The following LUZP2 variants were observed in gnomAD, a reference collection of about 807,000 sequenced individuals.
LUZP2 encodes the protein leucine zipper protein 2.
In LUZP2, 52 loss-of-function variants were observed where a neutral mutation model predicts 51.6. That is an observed-to-expected ratio of 1.01 (90% CI 0.81 to 1.27). The LOEUF (loss-of-function observed/expected upper bound fraction) is 1.27, where lower values mean the gene tolerates loss of function less well. Among genes scored for constraint, LUZP2 ranks in the 50% most tolerant of loss-of-function variants. The pLI is 0.00. For synonymous variants in LUZP2, 154 were observed against 137.3 expected, an observed-to-expected ratio of 1.12 and a Z score of -0.85; for missense variants, 436 against 395.4, an observed-to-expected ratio of 1.10 and a Z score of -0.87.
intron 7 of LUZP2, among the ~76,000 whole-genome samples, chr11:24,944,370 A>G (rs1565141870): frequency 6.6e-6 from 1 of 152,324 alleles, no homozygotes; most frequent in South Asian, 2.1e-4. Flanking sequence ...GCTCCCAAAC[A>G]ATACATTATA....
At chr11:25,043,158 T>C (rs1180050059) in intron 9 of LUZP2, among the ~76,000 whole-genome samples, 1 of 152,128 alleles carries the variant, frequency 6.6e-6, no homozygotes, top group African/African-American at 2.4e-5. Flanking sequence ...AGAAAATAGA[T>C]TTCTGTTGTT....
At chr11:25,038,319 T>G (rs369102777) in intron 9 of LUZP2, among the ~76,000 whole-genome samples, 101 of 152,296 alleles carry the variant, frequency 6.6e-4, no homozygotes, top group Middle Eastern at 3.4e-3. Flanking sequence ...TACAGTTGTA[T>G]TATGAAATTC....
intron 9 of LUZP2, among the ~76,000 whole-genome samples, chr11:25,043,678 C>A (rs907930795): frequency 6.8e-6 from 1 of 146,768 alleles, no homozygotes; most frequent in Non-Finnish European, 1.5e-5. Flanking sequence ...ATTTCATAAT[C>A]CTTGATGTAT....
At chr11:25,063,713 T>A (rs201504090) in intron 10 of LUZP2, among the ~76,000 whole-genome samples, 3 of 25,560 alleles carry the variant, frequency 1.2e-4, no homozygotes, top group Non-Finnish European at 8.7e-4. Context: ...ACATTAATCA[T>A]TAACCACCAT....
intron 5 of LUZP2, among the ~76,000 whole-genome samples, chr11:24,766,141 A>T (rs1366199512): frequency 2.0e-5 from 3 of 152,076 alleles, no homozygotes; most frequent in Non-Finnish European, 2.9e-5. Flanking sequence ...TTAACCTCTG[A>T]ATTGTACTGT....
At chr11:24,605,522 TTTTA>T (rs1410861083) in intron 1 of LUZP2, among the ~76,000 whole-genome samples, 1 of 151,752 alleles carries the variant, frequency 6.6e-6, no homozygotes, top group Admixed American at 6.6e-5. Context: ...TTTCTTATGT[TTTTA>T]TTTCTCTTAA....
intron 1 of LUZP2, among the ~76,000 whole-genome samples, chr11:24,589,488 A>G (rs1853187086): frequency 1.3e-5 from 2 of 152,204 alleles, no homozygotes; most frequent in Non-Finnish European, 2.9e-5. Context: ...ATTTAAGTGC[A>G]AATTATTTCT....
intron 5 of LUZP2, among the ~76,000 whole-genome samples, chr11:24,793,359 A>G (rs1317523140): frequency 1.3e-5 from 2 of 152,140 alleles, no homozygotes; most frequent in Non-Finnish European, 2.9e-5. Flanking sequence ...ATGGGCCTGA[A>G]TCTGCACTCT....
intron 10 of LUZP2, among the ~76,000 whole-genome samples, chr11:25,066,445 G>A (rs1351914059): frequency 6.6e-6 from 1 of 151,840 alleles, no homozygotes; most frequent in East Asian, 1.9e-4. Context: ...ACAAGCCTGA[G>A]CAAAGATTTA....
At chr11:24,662,206 C>T (rs1275041815) in intron 1 of LUZP2, among the ~76,000 whole-genome samples, 1 of 151,810 alleles carries the variant, frequency 6.6e-6, no homozygotes, top group Non-Finnish European at 1.5e-5. Flanking sequence ...AAATAAGAGA[C>T]ATTAAAACAA....
chr11:24,779,484 G>T (rs1345711623), intron 5 of LUZP2, among the ~76,000 whole-genome samples: 1 of 151,978 alleles, frequency 6.6e-6, no homozygotes, highest in Non-Finnish European at 1.5e-5. Flanking sequence ...CAGTTGGGAG[G>T]GTAAAATGAG....
At chr11:24,648,520 G>A (rs1855530949) in intron 1 of LUZP2, among the ~76,000 whole-genome samples, 1 of 151,852 alleles carries the variant, frequency 6.6e-6, no homozygotes, top group South Asian at 2.1e-4. Flanking sequence ...TGATACATGA[G>A]CTATTTAACA....
chr11:24,686,041 G>A (rs956892355), intron 1 of LUZP2, among the ~76,000 whole-genome samples: 11 of 152,140 alleles, frequency 7.2e-5, no homozygotes, highest in South Asian at 2.1e-4. Context: ...TCAAATTTAC[G>A]AAATCATTTC....
intron 5 of LUZP2, among the ~76,000 whole-genome samples, chr11:24,862,056 A>T (rs1851758834): frequency 1.3e-5 from 2 of 152,060 alleles, no homozygotes; most frequent in Admixed American, 1.3e-4. Context: ...TTTTCCCTAT[A>T]GTTTATCCCA....
intron 4 of LUZP2, among the ~76,000 whole-genome samples, chr11:24,738,609 C>T (rs1020336819): frequency 1.3e-5 from 2 of 152,052 alleles, no homozygotes; most frequent in African/African-American, 2.4e-5. Context: ...CATTGTGGGA[C>T]GTCACTGACT....
At chr11:24,963,175 G>T in intron 7 of LUZP2, among the ~76,000 whole-genome samples, 1 of 152,172 alleles carries the variant, frequency 6.6e-6, no homozygotes, top group Non-Finnish European at 1.5e-5. Flanking sequence ...TGCCCCTACT[G>T]GGGGGTACCT....
intron 3 of LUZP2, among the ~76,000 whole-genome samples, chr11:24,734,490 T>A (rs1858852414): frequency 6.6e-6 from 1 of 151,836 alleles, no homozygotes; most frequent in Admixed American, 6.6e-5. Flanking sequence ...TGGAGAATAT[T>A]TTGGTCTTAC....
At chr11:24,916,139 G>C (rs1244927018) in intron 7 of LUZP2, among the ~76,000 whole-genome samples, 1 of 151,812 alleles carries the variant, frequency 6.6e-6, no homozygotes, top group Non-Finnish European at 1.5e-5. Flanking sequence ...ATTAATGCTT[G>C]AGAGCTGCCT....
intron 1 of LUZP2, among the ~76,000 whole-genome samples, chr11:24,698,543 G>T (rs1397130640): frequency 6.6e-6 from 1 of 152,138 alleles, no homozygotes; most frequent in Non-Finnish European, 1.5e-5. Context: ...TTCATTGAAA[G>T]CTTGGCTCTT....
Sources: allele counts gnomAD v4.1 joint callset (sites outside exome capture counted in the v4.1 genomes callset), GRCh38; gene constraint gnomAD v4.1.1; transcripts MANE v1.5; gene names NCBI Gene and HGNC (gene_info 2026-07-23, HGNC 2026-07-21).